The following AHRR variants were observed in gnomAD, a reference collection of about 807,000 sequenced individuals.
The protein encoded by AHRR is ahR repressor.
A neutral mutation model predicts 44.0 loss-of-function variants in AHRR; 28 were observed. The ratio of observed to expected loss-of-function variants is 0.64; its 90% CI spans 0.47 to 0.87. The LOEUF is 0.87. Ranked by LOEUF, AHRR falls within the 40% of genes least tolerant of loss-of-function variation. The pLI is 0.00. For missense variants in AHRR, 990 were observed against 953.9 expected, an observed-to-expected ratio of 1.04 and a Z score of -0.50; for synonymous variants, 434 against 407.0, an observed-to-expected ratio of 1.07 and a Z score of -0.80.
At chr5:322,750 G>A (rs964352285) in intron 1 of AHRR, 1 of 152,250 alleles carries the variant, frequency 6.6e-6, no homozygotes, top group East Asian at 1.9e-4. Flanking sequence ...GCACAAAGCC[G>A]GGGCTCGATG....
rs1455966633 is a variant in AHRR at position 419,907 on chromosome 5, T to C, written c.442-2822T>C. Among the ~76,000 whole-genome samples the C allele has an allele frequency of 6.6e-6, 1 of 152,142 alleles. No homozygotes were observed. Among genetic ancestry groups the C allele is most frequent in the Admixed American group, 6.5e-5 (1 of 15,276 alleles). On this transcript the variant is annotated intron_variant, in intron 5 of 10. Transcript: ENST00000684583. This position sits in a 1 kb window ranked among gnomAD's most constrained non-coding sequence, Gnocchi z 4.4. Reference sequence around the variant, plus strand: ...AGGGTGTAAAGTGGATTTTAAGATGTGGAATTGGGAGGTAGAGTGGTTTAG... The same window carrying C: ...AGGGTGTAAAGTGGATTTTAAGATGCGGAATTGGGAGGTAGAGTGGTTTAG...
Position 404,861 on chromosome 5 carries a change from C to T in AHRR, c.352-8483C>T, listed in dbSNP as rs1735191130. Among the ~76,000 whole-genome samples the T allele has an allele frequency of 6.6e-6, 1 of 152,166 alleles. No homozygotes were observed. The highest frequency in any genetic ancestry group is 2.4e-5 in the African/African-American group (1 of 41,426). On this transcript the variant is annotated intron_variant, in intron 4 of 10. Coordinates refer to ENST00000684583, the MANE Select transcript of AHRR (RefSeq NM_001377236.1). This position sits in a 1 kb window ranked among gnomAD's most constrained non-coding sequence, Gnocchi z 4.1. The stretch of plus-strand genomic sequence containing the variant: ...CTAATCTGCCAGCGGGCACCACCTG[C>T]CATTCCTCCTTCGTGCCTTCGAGTA...
intron 4 of AHRR, chr5:403,952 C>T: frequency 7.0e-7 from 1 of 1,420,972 alleles, no homozygotes; most frequent in Non-Finnish European, 9.9e-7. Context: ...ATCTCCTCCA[C>T]TTTATTTTCT....
chr5:333,798 C>G (rs1026325665), intron 1 of AHRR, among the ~76,000 whole-genome samples: 2 of 152,108 alleles, frequency 1.3e-5, no homozygotes, highest in African/African-American at 4.8e-5. Flanking sequence ...TTCTCTTCGT[C>G]TGTGATTGCT....
chr5:364,864 T>A (rs1233254738), intron 3 of AHRR, among the ~76,000 whole-genome samples: 1 of 152,028 alleles, frequency 6.6e-6, no homozygotes, highest in Non-Finnish European at 1.5e-5. Context: ...TGTAAAAAAA[T>A]TGATTTTGGG....
chr5:394,748 TG>T (rs1734622923), intron 4 of AHRR, among the ~76,000 whole-genome samples: 2 of 152,164 alleles, frequency 1.3e-5, no homozygotes, highest in Non-Finnish European at 1.5e-5. Flanking sequence ...TGGGCCTGTG[TG>T]GGGCCGGACA....
chr5:431,503 C>T (rs1736729884), intron 8 of AHRR, among the ~76,000 whole-genome samples: 1 of 152,206 alleles, frequency 6.6e-6, no homozygotes. Context: ...TCCTGAGCCG[C>T]AGGACTGTGG....
At chr5:361,253 A>G (rs1162256901) in intron 3 of AHRR, among the ~76,000 whole-genome samples, 2 of 152,198 alleles carry the variant, frequency 1.3e-5, no homozygotes, top group African/African-American at 4.8e-5. Flanking sequence ...AAACAGAGAA[A>G]GTGTTCTGGA....
chr5:419,252 C>T lies in AHRR; in HGVS notation c.442-3477C>T, dbSNP rs892172151. ...CAATCTCGGCTCACTGCAACCTCTG[C>T]CTCCTGGGTTCAAGCAAGTCTCCTG... On this transcript the variant is annotated intron_variant, in intron 5 of 10. Transcript: ENST00000684583. The surrounding 1 kb of genome is among the most constrained non-coding windows in gnomAD (Gnocchi z 4.4). 1 of 151,930 alleles carries T rather than the reference C, an allele frequency of 6.6e-6. No homozygotes were observed. The highest frequency in any genetic ancestry group is 1.9e-4 in the East Asian group (1 of 5,172). The allele number at this position is 151,930 out of a possible 1,614,324, so 9.4% of individuals were successfully genotyped here.
chr5:416,704 G>A (rs534296939), intron 5 of AHRR, among the ~76,000 whole-genome samples: 2 of 152,182 alleles, frequency 1.3e-5, no homozygotes, highest in East Asian at 1.9e-4. Context: ...GAGTGGGTCC[G>A]TTGGGTCCGT....
chr5:390,038 G>T (rs1734347221), intron 4 of AHRR, among the ~76,000 whole-genome samples: 1 of 151,976 alleles, frequency 6.6e-6, no homozygotes, highest in Admixed American at 6.6e-5. Flanking sequence ...AAAGACAGAG[G>T]CCAGAAAGGA....
intron 8 of AHRR, among the ~76,000 whole-genome samples, chr5:430,408 G>A (rs1425054685): frequency 1.3e-5 from 2 of 152,368 alleles, no homozygotes; most frequent in East Asian, 1.9e-4. Context: ...CCCGTCACAC[G>A]CCTGCTGGCT....
intron 6 of AHRR, among the ~76,000 whole-genome samples, chr5:423,082 G>C (rs1736208398): frequency 6.6e-6 from 1 of 152,082 alleles, no homozygotes; most frequent in Non-Finnish European, 1.5e-5. Context: ...TTCACTCCTG[G>C]TTGCTTTCCT....
intron 1 of AHRR, among the ~76,000 whole-genome samples, chr5:322,970 T>A (rs1027095336): frequency 4.6e-5 from 7 of 152,208 alleles, no homozygotes; most frequent in Non-Finnish European, 1.0e-4. Context: ...TTAGAAAAAT[T>A]CAGATTTCTC....
intron 4 of AHRR, among the ~76,000 whole-genome samples, chr5:403,392 T>G (rs1375709241): frequency 6.6e-6 from 1 of 152,132 alleles, no homozygotes; most frequent in Non-Finnish European, 1.5e-5. Context: ...TCCCAGCACT[T>G]TGGGAGGCCA....
intron 4 of AHRR, among the ~76,000 whole-genome samples, chr5:385,942 G>C (rs1263540547): frequency 6.6e-6 from 1 of 151,774 alleles, no homozygotes; most frequent in Non-Finnish European, 1.5e-5. Context: ...AATTTCTGTT[G>C]AACTGCCTTT....
rs1339388842 is a variant in AHRR, at chr5:434,438, C to G, written c.1698C>G (p.Phe566Leu). 5.6e-6 allele frequency: 9 copies of G among 1,613,470 alleles called. No individual in the cohort carries two copies. The highest frequency in any genetic ancestry group is 7.6e-6 in the Non-Finnish European group (9 of 1,179,994). ...GTGACAGGAGCCACCCAGCCACCTT[C>G]CCTACCAGGATGCACCTGAAAACAG... ...GASDRSHPAT[F>L]PTRMHLKTEP... The change falls in exon 11 of 11, where the codon TTC becomes TTG. Residue 566 changes from phenylalanine (F) to leucine (L), a missense_variant. Physicochemically the swap from Phe to Leu is conservative, Grantham distance 22. Transcript: ENST00000684583.
Position 413,992 on chromosome 5 carries a change from C to T in AHRR, c.441+559C>T, listed in dbSNP as rs145462750. 3.0e-3 allele frequency among the ~76,000 whole-genome samples: 457 copies of T among 152,336 alleles called. 20 individuals carry two copies. In the East Asian group the frequency reaches 0.081, roughly 27 times the overall value. On this transcript the variant is annotated intron_variant, in intron 5 of 10. Coordinates refer to ENST00000684583, the MANE Select transcript of AHRR (RefSeq NM_001377236.1). ...ATAAAAAATCCCACCCAGCCGGGCG[C>T]GGTGGCTCACGCCTGTAATCCCAGC...
rs565887652 is a variant in AHRR at position 369,480 on chromosome 5, G to A, written c.245-7130G>A. Among the ~76,000 whole-genome samples the A allele has an allele frequency of 5.1e-4, 78 of 152,340 alleles. 1 individual carries two copies. Among genetic ancestry groups the A allele is most frequent in the South Asian group, 1.9e-3 (9 of 4,830 alleles). Reference sequence around the variant, plus strand: ...TGCAGATGAACAGACCTACAGCTAGGCGAGCATGCAGCACAGCCCGACTCA... The same window carrying A: ...TGCAGATGAACAGACCTACAGCTAGACGAGCATGCAGCACAGCCCGACTCA... On this transcript the variant is annotated intron_variant, in intron 3 of 10. Coordinates refer to ENST00000684583, the MANE Select transcript of AHRR (RefSeq NM_001377236.1).
Sources: gnomAD v4.1 joint callset for allele counts (sites outside exome capture counted in the v4.1 genomes callset) on GRCh38, gnomAD v4.1.1 for gene constraint, Gnocchi (gnomAD v3.1) non-coding constraint, MANE v1.5 for transcripts, NCBI Gene and HGNC (gene_info 2026-07-23, HGNC 2026-07-21) for gene names.